LRCH1: variants seen among roughly 807,000 people sequenced by gnomAD.
LRCH1 encodes leucine rich repeats and calponin homology domain containing 1.
LRCH1 carries 23 observed loss-of-function variants against 94.9 expected under a neutral mutation model. The observed-to-expected ratio is 0.24, with a 90% CI of 0.17 to 0.34. The LOEUF (loss-of-function observed/expected upper bound fraction) is 0.34, where lower values mean the gene tolerates loss of function less well. Among genes scored for constraint, LRCH1 ranks in the 10% least tolerant of loss-of-function variants. LRCH1 has a pLI of 1.00. For synonymous variants in LRCH1, 364 were observed against 354.9 expected (o/e 1.03, Z -0.29); for missense variants, 790 against 945.9 (o/e 0.84, Z 2.16).
intron 1 of LRCH1, among the ~76,000 whole-genome samples, chr13:46,610,053 C>T (rs2050731087): frequency 6.6e-6 from 1 of 152,118 alleles, no homozygotes. Flanking sequence ...GGCAGTTGGG[C>T]CCTTGTACTG....
At chr13:46,659,456 G>C (rs1222133146) in intron 2 of LRCH1, among the ~76,000 whole-genome samples, 1 of 152,112 alleles carries the variant, frequency 6.6e-6, no homozygotes, top group Non-Finnish European at 1.5e-5. Context: ...GTCTCCCAAA[G>C]TGCTAGGACT....
At chr13:46,595,601 C>T (rs1407756576) in intron 1 of LRCH1, among the ~76,000 whole-genome samples, 2 of 152,224 alleles carry the variant, frequency 1.3e-5, no homozygotes, top group Non-Finnish European at 2.9e-5. Flanking sequence ...CTTCCATCTA[C>T]CTTTATGTTT....
intron 18 of LRCH1, chr13:46,750,501 A>G (rs890299648): frequency 1.7e-5 from 24 of 1,371,440 alleles, no homozygotes; most frequent in African/African-American, 1.4e-4. Flanking sequence ...TGAGAGTACA[A>G]TCATCTAAAA....
chr13:46,674,593 G>A (rs2051646038), intron 3 of LRCH1, among the ~76,000 whole-genome samples: 1 of 152,220 alleles, frequency 6.6e-6, no homozygotes, highest in African/African-American at 2.4e-5. Flanking sequence ...TGCTGTAGCA[G>A]TATGGATATG....
chr13:46,583,965 C>T (rs1352757317), intron 1 of LRCH1, among the ~76,000 whole-genome samples: 1 of 148,112 alleles, frequency 6.8e-6, no homozygotes, highest in Non-Finnish European at 1.5e-5. Context: ...ATTTTAAACT[C>T]CACGAGGTCA....
In LRCH1 at chr13:46,553,731, G is replaced by GGTGTGGGTGCT. The variant is rs758300580; in HGVS notation, c.307+31_307+41dup. 2.7e-5 allele frequency: 44 copies of GGTGTGGGTGCT among 1,602,082 alleles called. 1 individual carries two copies. In the South Asian group the frequency reaches 4.6e-4, roughly 17 times the overall value. On this transcript the variant is annotated intron_variant, in intron 1 of 19. Transcript: ENST00000389797. ...GAGTGAGGGCCGAGGGGCGGGCAGG[G>GGTGTGGGTGCT]GTGTGGGTGCTGTCTGGGTGTCTGT...
chr13:46,639,368 G>A (rs967803037), intron 1 of LRCH1, among the ~76,000 whole-genome samples: 2 of 152,162 alleles, frequency 1.3e-5, no homozygotes, highest in Admixed American at 6.5e-5. Context: ...TTGCATTTCC[G>A]AAATTACTCA....
intron 3 of LRCH1, among the ~76,000 whole-genome samples, chr13:46,671,183 C>T (rs1324007): frequency 0.64 from 96,685 of 152,124 alleles, 31,204 homozygotes; most frequent in Middle Eastern, 0.72. Flanking sequence ...TCTTCCTCCC[C>T]GCTCCTTTCT....
intron 1 of LRCH1, among the ~76,000 whole-genome samples, chr13:46,589,593 CTTTT>C (rs762747151): frequency 1.8e-4 from 14 of 77,702 alleles, no homozygotes; most frequent in Admixed American, 1.2e-3. Context: ...AGTTCTCTCA[CTTTT>C]TTTTTTTTTT....
At chr13:46,726,079 A>C (rs781696997) in intron 17 of LRCH1, among the ~76,000 whole-genome samples, 28 of 152,204 alleles carry the variant, frequency 1.8e-4, no homozygotes, top group South Asian at 4.1e-4. Context: ...AAAATCACCA[A>C]ATTAAGTCAT....
chr13:46,698,241 C>G (rs933472387), intron 9 of LRCH1, among the ~76,000 whole-genome samples: 1 of 152,210 alleles, frequency 6.6e-6, no homozygotes, highest in African/African-American at 2.4e-5. Flanking sequence ...TATGCCAGAA[C>G]CTTGACACCA....
intron 1 of LRCH1, among the ~76,000 whole-genome samples, chr13:46,607,680 C>T (rs1457005504): frequency 6.6e-6 from 1 of 150,958 alleles, no homozygotes; most frequent in African/African-American, 2.4e-5. Context: ...CACAGTCTCG[C>T]TCTGTTAAAC....
intron 1 of LRCH1, among the ~76,000 whole-genome samples, chr13:46,621,586 A>G (rs1302518353): frequency 6.6e-6 from 1 of 152,208 alleles, no homozygotes; most frequent in African/African-American, 2.4e-5. Flanking sequence ...GATAAAGTCT[A>G]GGTGAGTCAG....
chr13:46,676,341 G>A (rs577074670), intron 3 of LRCH1, among the ~76,000 whole-genome samples: 20 of 152,248 alleles, frequency 1.3e-4, no homozygotes, highest in South Asian at 2.1e-4. Flanking sequence ...GACATTTCCC[G>A]GTTAGTTACA....
Position 46,715,604 on chromosome 13 carries a change from CA to C in LRCH1, c.1700del (p.Gln567ArgfsTer23). On this transcript the variant is annotated frameshift_variant, in exon 16 of 20. Coordinates refer to ENST00000389797, the MANE Select transcript of LRCH1 (RefSeq NM_001164211.2). LOFTEE classifies it high-confidence loss of function. ...TCCTATCTCCTTCAACACACTTACACAGGCACAGACATGGGACAGCTCTAGC... is the reference window on the plus strand; with the variant it reads ...TCCTATCTCCTTCAACACACTTACACGGCACAGACATGGGACAGCTCTAGC... ...LPPISFNTLTQAQTWDSSSYS... is the reference protein window; with the variant it reads ...LPPISFNTLTXAQTWDSSSYS... 1 of 1,537,224 alleles carries C rather than the reference CA, an allele frequency of 6.5e-7. No individual in the cohort carries two copies. The highest frequency in any genetic ancestry group is 8.7e-7 in the Non-Finnish European group (1 of 1,146,842).
chr13:46,746,546 G>C (rs899813465), downstream of LRCH1, among the ~76,000 whole-genome samples: 2 of 152,090 alleles, frequency 1.3e-5, no homozygotes, highest in African/African-American at 4.8e-5. Flanking sequence ...AACAAAAAAA[G>C]CCCATGGGCA....
chr13:46,582,174 A>G (rs192039470), intron 1 of LRCH1, among the ~76,000 whole-genome samples: 2 of 151,480 alleles, frequency 1.3e-5, no homozygotes, highest in Non-Finnish European at 1.5e-5. Context: ...AAAGAAAGAA[A>G]GAAAATGAAG....
chr13:46,731,813 G>GC (rs1285773017), intron 18 of LRCH1, among the ~76,000 whole-genome samples: 1 of 151,896 alleles, frequency 6.6e-6, no homozygotes, highest in Non-Finnish European at 1.5e-5. Context: ...GCCCCCACCT[G>GC]CCCCCCAAAT....
At chr13:46,647,158 A>G (rs554491589) in intron 1 of LRCH1, among the ~76,000 whole-genome samples, 31 of 151,966 alleles carry the variant, frequency 2.0e-4, no homozygotes, top group Admixed American at 1.5e-3. Flanking sequence ...TGTCATTTGC[A>G]TATGTATAAG....
Sources: gnomAD v4.1 joint callset for allele counts (sites outside exome capture counted in the v4.1 genomes callset) on GRCh38, gnomAD v4.1.1 for gene constraint, MANE v1.5 for transcripts, NCBI Gene and HGNC (gene_info 2026-07-23, HGNC 2026-07-21) for gene names.